FN1: variants seen among roughly 807,000 people sequenced by gnomAD.
The protein encoded by FN1 is fibronectin.
FN1 carries 106 observed loss-of-function variants against 297.3 expected under a neutral mutation model. That is an observed-to-expected ratio of 0.36 (90% CI 0.30 to 0.42). The LOEUF (loss-of-function observed/expected upper bound fraction) is 0.42. FN1 is among the 10% of genes least tolerant of loss of function. The probability of loss-of-function intolerance (pLI) is 1.00; values close to 1 mark genes in which losing one functional copy is unlikely to be tolerated. For missense variants in FN1, 2,690 were observed against 3,124.9 expected (o/e 0.86, Z 3.32); for synonymous variants, 1,149 against 1,152.6 (o/e 1.00, Z 0.06).
At chr2:215,366,157 T>TTTA (rs1409042849) in intron 42 of FN1, among the ~76,000 whole-genome samples, 3 of 152,112 alleles carry the variant, frequency 2.0e-5, no homozygotes, top group African/African-American at 7.2e-5. Context: ...AATATTATTT[T>TTTA]TTATCATTTA....
intron 15 of FN1, among the ~76,000 whole-genome samples, chr2:215,409,188 A>C (rs1370912730): frequency 6.6e-6 from 1 of 152,120 alleles, no homozygotes; most frequent in African/African-American, 2.4e-5. Context: ...GCGCCAATGA[A>C]GTTTTTTAAA....
chr2:215,364,632 T>C, intron 44 of FN1: 1 of 565,468 alleles, frequency 1.8e-6, no homozygotes, highest in Non-Finnish European at 3.2e-6. Context: ...TCAAGACTTG[T>C]GTTTTTGGTA....
chr2:215,381,864 C>T, intron 32 of FN1: 1 of 356,734 alleles, frequency 2.8e-6, no homozygotes, highest in Non-Finnish European at 5.4e-6. Context: ...CATAAAGCTA[C>T]ATGAGGCACA....
Position 215,373,671 on chromosome 2 carries a change from CTTTTTTTTTTTTTT to C in FN1, c.6158-274_6158-261del, listed in dbSNP as rs58966623. The stretch of plus-strand genomic sequence containing the variant: ...TTTTGGCTAACTTTTCCAGGGTATT[CTTTTTTTTTTTTTT>C]TTTTTTTTTTTTGAGATGGAGTCTG... On this transcript the variant is annotated intron_variant, in intron 38 of 45. Coordinates refer to ENST00000354785, the MANE Select transcript of FN1 (RefSeq NM_212482.4). Among the ~76,000 whole-genome samples, 79,185 of 126,584 alleles carry C rather than the reference CTTTTTTTTTTTTTT, an allele frequency of 0.63. 24,226 individuals are homozygous for C. The highest frequency in any genetic ancestry group is 0.72 in the Non-Finnish European group (45,829 of 63,964). 83.0% of individuals were successfully genotyped at this position (126,584 alleles called of 152,430 possible).
At chr2:215,373,546 G>A (rs1424255922) in intron 38 of FN1, 135 bp from the exon 39 acceptor site, 4 of 728,746 alleles carry the variant, frequency 5.5e-6, no homozygotes, top group South Asian at 1.4e-5. Context: ...AGGTAAAATC[G>A]ACTTCACTTT....
chr2:215,375,374 G>A lies in FN1; in HGVS notation c.5997C>T (p.Asn1999=), dbSNP rs772922694. Reference sequence around the variant, plus strand: ...TGGGTGTGGTGGCCAGGAAACGCAGGTTGGATGGTGCATCAATGGCTGAAA... The same window carrying A: ...TGGGTGTGGTGGCCAGGAAACGCAGATTGGATGGTGCATCAATGGCTGAAA... ...DASTAIDAPS[N]LRFLATTPNS... The change falls in exon 38 of 46, where the codon AAC becomes AAT. Residue 1999 remains asparagine (N), a synonymous_variant. Transcript: ENST00000354785. 3 of 1,613,126 alleles carry A rather than the reference G, an allele frequency of 1.9e-6. No homozygotes were observed. Among genetic ancestry groups the A allele is most frequent in the African/African-American group, 2.7e-5 (2 of 74,810 alleles).
intron 20 of FN1, among the ~76,000 whole-genome samples, chr2:215,400,228 C>CAATAATGG (rs2060837582): frequency 6.6e-6 from 1 of 151,642 alleles, no homozygotes; most frequent in Non-Finnish European, 1.5e-5. Context: ...AATTATTCCA[C>CAATAATGG]AATAATGGTC....
rs1042511048 is a variant in FN1 at position 215,388,318 on chromosome 2, G to C, written c.4253-17C>G. 3 of 1,570,552 alleles carry C rather than the reference G, an allele frequency of 1.9e-6. No individual in the cohort carries two copies. In the African/African-American group the frequency reaches 4.1e-5, roughly 21 times the overall value. Reference sequence around the variant, plus strand: ...GCAGGAGATCTGTAGGGGCAAATGGGGCTTATTTTAAAACTCTGCTCAAAA... The same window carrying C: ...GCAGGAGATCTGTAGGGGCAAATGGCGCTTATTTTAAAACTCTGCTCAAAA... On this transcript the variant is annotated splice_polypyrimidine_tract_variant and intron_variant, in intron 26 of 45. Transcript: ENST00000354785.
In FN1 at chr2:215,384,144, G is replaced by C; in HGVS notation, c.4770C>G (p.Ser1590Arg). The change falls in exon 30 of 46, where the codon AGC becomes AGG. Residue 1590 changes from serine (S) to arginine (R), a missense_variant. This residue lies in a region of FN1 where 1,743 missense variants were observed against 1,945.2 expected (regional missense o/e 0.90). Transcript: ENST00000354785. ...SPVQEFTVPG[S>R]KSTATISGLK... Reference sequence around the variant, plus strand: ...GGCCGCTGATGGTAGCTGTAGACTTGCTCCCAGGCACAGTGAACTCCTGGA... The same window carrying C: ...GGCCGCTGATGGTAGCTGTAGACTTCCTCCCAGGCACAGTGAACTCCTGGA... 1 of 1,614,106 alleles carries C rather than the reference G, an allele frequency of 6.2e-7. No individual in the cohort carries two copies. The highest frequency in any genetic ancestry group is 8.5e-7 in the Non-Finnish European group (1 of 1,180,014).
intron 26 of FN1, among the ~76,000 whole-genome samples, chr2:215,388,888 A>C: frequency 6.6e-6 from 1 of 152,160 alleles, no homozygotes; most frequent in East Asian, 1.9e-4. Context: ...AAAACAAAAA[A>C]AAACTGAGGC....
chr2:215,389,963 A>G (rs1185905692), intron 26 of FN1, among the ~76,000 whole-genome samples: 1 of 152,192 alleles, frequency 6.6e-6, no homozygotes, highest in African/African-American at 2.4e-5. Flanking sequence ...TTGTATATCT[A>G]AAAGATACAG....
At chr2:215,408,692 C>T (rs540558887) in intron 15 of FN1, among the ~76,000 whole-genome samples, 3 of 152,188 alleles carry the variant, frequency 2.0e-5, no homozygotes, top group Admixed American at 6.5e-5. Context: ...CTCGGCCTCC[C>T]GAGTAGCTGG....
chr2:215,431,102 C>T (rs1407500143), intron 4 of FN1, among the ~76,000 whole-genome samples: 1 of 151,990 alleles, frequency 6.6e-6, no homozygotes, highest in African/African-American at 2.4e-5. Flanking sequence ...ATATTTTCAG[C>T]GAGCCCCAAA....
intron 21 of FN1, among the ~76,000 whole-genome samples, chr2:215,398,879 G>A (rs1460146550): frequency 6.6e-6 from 1 of 152,162 alleles, no homozygotes; most frequent in Non-Finnish European, 1.5e-5. Context: ...AGTTTAACTG[G>A]TCTCCCTAAA....
At chr2:215,428,989 T>C (rs2065986288) in intron 5 of FN1, among the ~76,000 whole-genome samples, 1 of 152,010 alleles carries the variant, frequency 6.6e-6, no homozygotes, top group African/African-American at 2.4e-5. Flanking sequence ...CACTCCAGCC[T>C]GGGCGACAGG....
chr2:215,371,468 A>ATCTC (rs71399195), intron 40 of FN1, among the ~76,000 whole-genome samples: 1 of 150,308 alleles, frequency 6.7e-6, no homozygotes, highest in Non-Finnish European at 1.5e-5. Flanking sequence ...CAGGTAGAAT[A>ATCTC]TCTTTCTTTT....
Position 215,434,765 on chromosome 2 carries a change from G to C in FN1, c.208C>G (p.Leu70Val). 1 of 1,614,094 alleles carries C rather than the reference G, an allele frequency of 6.2e-7. No homozygotes were observed. Among genetic ancestry groups the C allele is most frequent in the Non-Finnish European group, 8.5e-7 (1 of 1,179,966 alleles). The change falls in exon 2 of 46, where the codon CTA (leucine) becomes GTA (valine). Residue 70 changes from leucine (L) to valine (V), a missense_variant. Physicochemically the swap from Leu to Val is conservative, Grantham distance 32. This residue lies in a region of FN1 where 876 missense variants were observed against 1,058.1 expected (regional missense o/e 0.83). Transcript: ENST00000354785. ...CAAGTACAAACCAACGCATTGCCTA[G>C]GTAGGTCCGCTCCCACTGTTGATTT... ...QINQQWERTYLGNALVCTCYG... is the reference protein window; with the variant it reads ...QINQQWERTYVGNALVCTCYG...
chr2:215,424,266 A>C lies in FN1; in HGVS notation c.1096T>G (p.Tyr366Asp). The C allele has an allele frequency of 1.2e-6, 2 of 1,614,042 alleles. No homozygotes were observed. Among genetic ancestry groups the C allele is most frequent in the Non-Finnish European group, 8.5e-7 (1 of 1,179,928 alleles). Reference protein sequence around the residue: ...NGEPCVLPFTYNGRTFYSCTT... With the variant: ...NGEPCVLPFTDNGRTFYSCTT... ...CAGGAGTAGAACGTCCTGCCATTGTAGGTGAATGGTAAGACACATGGCTCT... is the reference window on the plus strand; with the variant it reads ...CAGGAGTAGAACGTCCTGCCATTGTCGGTGAATGGTAAGACACATGGCTCT... Residue 366 changes from tyrosine (Y) to aspartate (D), a missense_variant, in exon 8 of 46, where the codon TAC (tyrosine) becomes GAC (aspartate). Physicochemically the swap from Tyr to Asp is radical, Grantham distance 160 (BLOSUM62 -3). Coordinates refer to ENST00000354785, the MANE Select transcript of FN1 (RefSeq NM_212482.4).
At chr2:215,430,415 C>T (rs1311906660) in intron 5 of FN1, among the ~76,000 whole-genome samples, 1 of 152,104 alleles carries the variant, frequency 6.6e-6, no homozygotes, top group South Asian at 2.1e-4. Context: ...ATCAATTTAG[C>T]CTGTGAATGT....
Sources: allele counts gnomAD v4.1 joint callset (sites outside exome capture counted in the v4.1 genomes callset), GRCh38; gene constraint gnomAD v4.1.1; regional missense constraint gnomAD v4.1.1; transcripts MANE v1.5; gene names NCBI Gene and HGNC (gene_info 2026-07-23, HGNC 2026-07-21).